The following POC1B variants were observed in gnomAD, a reference collection of about 807,000 sequenced individuals.
POC1B encodes the protein POC1 centriolar protein B, also known as POC1 centriolar protein homolog B.
Under a neutral mutation model 60.6 loss-of-function variants are expected in POC1B, and 44 were observed. The observed-to-expected ratio is 0.73, with a 90% CI of 0.57 to 0.93. The LOEUF (loss-of-function observed/expected upper bound fraction) is 0.93. Ranked by LOEUF, POC1B falls within the 40% of genes least tolerant of loss-of-function variation. POC1B has a pLI of 0.00. For synonymous variants in POC1B, 180 were observed against 198.9 expected (o/e 0.90, Z 0.80); for missense variants, 555 against 572.3 (o/e 0.97, Z 0.31).
chr12:89,479,437 T>C (rs1030611703), intron 4 of POC1B, among the ~76,000 whole-genome samples: 3 of 152,236 alleles, frequency 2.0e-5, no homozygotes, highest in Admixed American at 2.0e-4. Context: ...ACATTTTTGG[T>C]TGTAGAATCA....
intron 4 of POC1B, among the ~76,000 whole-genome samples, chr12:89,490,669 G>A (rs1468648574): frequency 2.0e-5 from 3 of 152,068 alleles, no homozygotes; most frequent in Non-Finnish European, 2.9e-5. Flanking sequence ...ATAGGGAAAT[G>A]CAATCTGCAC....
Position 89,499,290 on chromosome 12 carries a change from A to G in POC1B, c.101-1948T>C, listed in dbSNP as rs186219579. Among the ~76,000 whole-genome samples, 523 of 152,298 alleles carry G rather than the reference A, an allele frequency of 3.4e-3. 3 individuals are homozygous for G. The highest frequency in any genetic ancestry group is 0.012 in the African/African-American group (487 of 41,558). Reference sequence around the variant, plus strand: ...CCGTATGTTCTCATTTACAAGTGAGAGCTGAACAGTAGGTACAATAGACAT... The same window carrying G: ...CCGTATGTTCTCATTTACAAGTGAGGGCTGAACAGTAGGTACAATAGACAT... On this transcript the variant is annotated intron_variant, in intron 2 of 11. Transcript: ENST00000313546.
intron 2 of POC1B, among the ~76,000 whole-genome samples, chr12:89,505,843 G>A (rs982522422): frequency 6.6e-6 from 1 of 152,204 alleles, no homozygotes; most frequent in East Asian, 1.9e-4. Context: ...GCAGTCAGGA[G>A]AAAGCAGTGG....
intron 11 of POC1B, among the ~76,000 whole-genome samples, chr12:89,422,787 A>G (rs1880596513): frequency 6.6e-6 from 1 of 152,238 alleles, no homozygotes; most frequent in Non-Finnish European, 1.5e-5. Flanking sequence ...TCATACAGGA[A>G]AGGCATGACA....
intron 8 of POC1B, 97 bp downstream of exon 8, chr12:89,467,520 T>G: frequency 1.0e-6 from 1 of 985,076 alleles, no homozygotes; most frequent in Non-Finnish European, 1.5e-6. Context: ...GACAAACATC[T>G]TAACATACAC....
At position 89,420,961 on chromosome 12, in the gene POC1B, T is replaced by G; in HGVS notation, c.*192A>C. ...TAGTAATTTAAATTAGTCCTTCACA[T>G]TGATATGTGTTTAAATTAGTCCTTA... On this transcript the variant is annotated 3_prime_UTR_variant, in exon 12 of 12. Transcript: ENST00000313546. 4.5e-6 allele frequency: 2 copies of G among 441,314 alleles called. No homozygotes were observed. Among genetic ancestry groups the G allele is most frequent in the South Asian group, 6.4e-5 (1 of 15,608 alleles). The allele number at this position is 441,314 out of a possible 1,614,324, so 27.3% of individuals were successfully genotyped here.
intron 2 of POC1B, among the ~76,000 whole-genome samples, chr12:89,516,428 T>G (rs1264821433): frequency 6.6e-6 from 1 of 152,220 alleles, no homozygotes; most frequent in Non-Finnish European, 1.5e-5. Flanking sequence ...CACACTAATT[T>G]GAAGACCATT....
intron 2 of POC1B, among the ~76,000 whole-genome samples, chr12:89,503,159 T>C (rs1005361501): frequency 2.0e-5 from 3 of 151,226 alleles, no homozygotes; most frequent in African/African-American, 7.3e-5. Flanking sequence ...CTCCCTCTGA[T>C]GCCCAGCCGA....
At chr12:89,494,357 A>C (rs551464495) in intron 3 of POC1B, among the ~76,000 whole-genome samples, 1 of 151,874 alleles carries the variant, frequency 6.6e-6, no homozygotes, top group African/African-American at 2.4e-5. Flanking sequence ...GCCTCTCCCT[A>C]TTCTTTCTTA....
intron 2 of POC1B, among the ~76,000 whole-genome samples, chr12:89,510,685 G>A (rs1437205223): frequency 6.6e-6 from 1 of 152,016 alleles, no homozygotes; most frequent in Non-Finnish European, 1.5e-5. Flanking sequence ...ATTAGGTTGT[G>A]CAAAATTGCA....
chr12:89,431,525 C>T (rs1405798818), intron 10 of POC1B, among the ~76,000 whole-genome samples: 1 of 151,954 alleles, frequency 6.6e-6, no homozygotes, highest in African/African-American at 2.4e-5. Context: ...ACAAAAAAAG[C>T]CTTTTGCCTT....
At chr12:89,444,159 C>T (rs888548087) in intron 10 of POC1B, among the ~76,000 whole-genome samples, 100 of 152,198 alleles carry the variant, frequency 6.6e-4, no homozygotes, top group African/African-American at 2.3e-3. Context: ...GTTTCACAGC[C>T]GAATTCTACC....
intron 2 of POC1B, among the ~76,000 whole-genome samples, chr12:89,507,396 G>A (rs998854172): frequency 1.3e-5 from 2 of 151,266 alleles, no homozygotes; most frequent in African/African-American, 2.4e-5. Context: ...AAATGTATTT[G>A]GTTATTGATG....
intron 3 of POC1B, among the ~76,000 whole-genome samples, chr12:89,496,540 G>T (rs1219368263): frequency 6.6e-6 from 1 of 152,114 alleles, no homozygotes; most frequent in East Asian, 1.9e-4. Flanking sequence ...ATGTATGCTT[G>T]AAAATTTACA....
At chr12:89,495,533 C>T (rs1869202040) in intron 3 of POC1B, among the ~76,000 whole-genome samples, 1 of 152,094 alleles carries the variant, frequency 6.6e-6, no homozygotes, top group South Asian at 2.1e-4. Context: ...TTTGGGAGTG[C>T]CTGGGCCTGA....
chr12:89,467,316 TTAAGA>T (rs1251926449), intron 8 of POC1B, among the ~76,000 whole-genome samples: 1 of 152,134 alleles, frequency 6.6e-6, no homozygotes, highest in Non-Finnish European at 1.5e-5. Context: ...CTCAAGAAGC[TTAAGA>T]TAAGGCAATG....
At chr12:89,476,759 T>TAGATAGACAGACAGACAGATAGAC (rs1485211003) in intron 4 of POC1B, among the ~76,000 whole-genome samples, 3 of 58,646 alleles carry the variant, frequency 5.1e-5, no homozygotes, top group Admixed American at 1.8e-4. Context: ...GATAGATAGA[T>TAGATAGACAGACAGACAGATAGAC]AGACAGACAG....
intron 2 of POC1B, among the ~76,000 whole-genome samples, chr12:89,505,201 G>A (rs138279399): frequency 2.6e-4 from 40 of 152,306 alleles, no homozygotes; most frequent in African/African-American, 9.6e-4. Context: ...TCTTGGTGAG[G>A]ATGTAGAACA....
At chr12:89,421,973 T>C (rs1880554564) in intron 11 of POC1B, among the ~76,000 whole-genome samples, 1 of 152,168 alleles carries the variant, frequency 6.6e-6, no homozygotes, top group African/African-American at 2.4e-5. Flanking sequence ...ATATGTTTTA[T>C]ATATATGTTA....
Sources: gnomAD v4.1 joint callset for allele counts (sites outside exome capture counted in the v4.1 genomes callset) on GRCh38, gnomAD v4.1.1 for gene constraint, MANE v1.5 for transcripts, NCBI Gene and HGNC (gene_info 2026-07-23, HGNC 2026-07-21) for gene names.